The following KANK1 variants were observed in gnomAD, a reference collection of about 807,000 sequenced individuals.
The protein encoded by KANK1 is KN motif and ankyrin repeat domains 1.
Under a neutral mutation model 106.2 loss-of-function variants are expected in KANK1, and 109 were observed. The observed-to-expected ratio is 1.03, with a 90% CI of 0.88 to 1.20. The LOEUF is 1.20. KANK1 is among the 50% of genes most tolerant of loss of function. The pLI is 0.00. For synonymous variants in KANK1, 873 were observed against 652.2 expected (o/e 1.34, Z -5.16); for missense variants, 2,399 against 1,710.7 (o/e 1.40, Z -7.10).
intron 1 of KANK1, among the ~76,000 whole-genome samples, chr9:595,263 G>C (rs898774957): frequency 9.2e-5 from 14 of 151,784 alleles, no homozygotes; most frequent in Admixed American, 6.6e-5. Flanking sequence ...TTAAAATGTG[G>C]TGATTGGTAC....
At chr9:612,778 C>G (rs1461024030) in intron 1 of KANK1, among the ~76,000 whole-genome samples, 1 of 152,080 alleles carries the variant, frequency 6.6e-6, no homozygotes, top group African/African-American at 2.4e-5. Context: ...GTGAGCAATA[C>G]CTTTGACTGT....
At chr9:689,699 T>G (rs547300492) in intron 2 of KANK1, among the ~76,000 whole-genome samples, 1 of 152,200 alleles carries the variant, frequency 6.6e-6, no homozygotes, top group South Asian at 2.1e-4. Context: ...CAGCTCACAG[T>G]GTAGGTCTCA....
intron 1 of KANK1, among the ~76,000 whole-genome samples, chr9:669,253 C>T (rs1588742872): frequency 6.6e-6 from 1 of 152,084 alleles, no homozygotes; most frequent in African/African-American, 2.4e-5. Flanking sequence ...CTGCACATGA[C>T]AATTAGAGTA....
At chr9:485,839 C>G (rs1224123332) in intron 3 of KANK1, among the ~76,000 whole-genome samples, 2 of 149,740 alleles carry the variant, frequency 1.3e-5, no homozygotes, top group Admixed American at 1.3e-4. Context: ...TCACTACACT[C>G]CAGCCTGGGT....
intron 1 of KANK1, among the ~76,000 whole-genome samples, chr9:528,155 A>G (rs1183892789): frequency 6.6e-6 from 1 of 151,418 alleles, no homozygotes; most frequent in African/African-American, 2.4e-5. Flanking sequence ...AAAAAAAAAA[A>G]CTTTTTAGGA....
intron 8 of KANK1, 99 bp downstream of exon 8, chr9:738,603 T>C (rs757037738): frequency 2.2e-6 from 2 of 914,194 alleles, no homozygotes; most frequent in East Asian, 2.5e-5. Context: ...TCTCTGACCA[T>C]GCTAAAATCC....
chr9:736,350 A>C (rs978995854), intron 7 of KANK1, among the ~76,000 whole-genome samples: 1 of 152,122 alleles, frequency 6.6e-6, no homozygotes, highest in African/African-American at 2.4e-5. Flanking sequence ...TCACTCTGCC[A>C]GTGGTTGAAT....
chr9:629,108 G>A (rs1419696389), intron 1 of KANK1, among the ~76,000 whole-genome samples: 1 of 151,094 alleles, frequency 6.6e-6, no homozygotes, highest in Non-Finnish European at 1.5e-5. Context: ...CATCTTGCAT[G>A]CTTTTCCTTT....
At chr9:704,142 A>AG (rs1589047028) in intron 2 of KANK1, among the ~76,000 whole-genome samples, 2 of 152,246 alleles carry the variant, frequency 1.3e-5, no homozygotes, top group East Asian at 3.8e-4. Context: ...TGAGAGGGAA[A>AG]GGGGGAAGAA....
At chr9:558,573 G>T (rs569892289) in intron 1 of KANK1, among the ~76,000 whole-genome samples, 1 of 151,986 alleles carries the variant, frequency 6.6e-6, no homozygotes, top group Non-Finnish European at 1.5e-5. Flanking sequence ...TAGCCAATGC[G>T]TCTCTTCTTC....
intron 1 of KANK1, among the ~76,000 whole-genome samples, chr9:613,233 G>C (rs914803068): frequency 2.6e-5 from 4 of 151,398 alleles, no homozygotes; most frequent in African/African-American, 7.3e-5. Context: ...GATTCAGTAA[G>C]CTAGCAACTC....
chr9:698,029 G>A (rs1376386020), intron 2 of KANK1, among the ~76,000 whole-genome samples: 2 of 152,178 alleles, frequency 1.3e-5, no homozygotes, highest in East Asian at 3.9e-4. Context: ...GAGACCATCT[G>A]GTGGGTGGAA....
At chr9:561,426 T>A (rs2131781) in intron 1 of KANK1, among the ~76,000 whole-genome samples, 38,217 of 152,108 alleles carry the variant, frequency 0.25, 5,086 homozygotes, top group Admixed American at 0.37. Context: ...AAACCATCCC[T>A]GACAGTTACT....
intron 1 of KANK1, among the ~76,000 whole-genome samples, chr9:517,588 G>A (rs1006094001): frequency 6.6e-6 from 1 of 151,510 alleles, no homozygotes; most frequent in African/African-American, 2.4e-5. Flanking sequence ...TGCCTATAGA[G>A]CTTTTTCACA....
intron 1 of KANK1, among the ~76,000 whole-genome samples, chr9:518,784 A>G (rs563337770): frequency 6.6e-6 from 1 of 151,812 alleles, no homozygotes; most frequent in East Asian, 1.9e-4. Flanking sequence ...AGAGAGGTGG[A>G]ACTCTGGCAG....
In KANK1 at chr9:648,267, G is replaced by A. The variant is rs978468378; in HGVS notation, c.-83-28623G>A. Among the ~76,000 whole-genome samples the A allele has an allele frequency of 7.2e-5, 11 of 152,130 alleles. 1 individual carries two copies. Among genetic ancestry groups the A allele is most frequent in the African/African-American group, 2.7e-4 (11 of 41,468 alleles). ...TCCGCCTGCCCCAGCCTCCCAAAGT[G>A]CTGAGATTACAGGCGTGAGCCACCA... is the stretch of plus-strand genomic sequence containing the variant. On this transcript the variant is annotated intron_variant, in intron 1 of 11. Coordinates refer to ENST00000382297, the MANE Select transcript of KANK1 (RefSeq NM_015158.5).
chr9:495,968 A>AACACAC (rs33961058), intron 3 of KANK1, among the ~76,000 whole-genome samples: 4 of 149,642 alleles, frequency 2.7e-5, no homozygotes, highest in African/African-American at 7.4e-5. Context: ...AGCATAATTA[A>AACACAC]ACACACACAC....
chr9:640,085 T>G (rs936489040), intron 1 of KANK1, among the ~76,000 whole-genome samples: 2 of 152,160 alleles, frequency 1.3e-5, no homozygotes, highest in Non-Finnish European at 2.9e-5. Context: ...CAGCTTCATT[T>G]TAGGATAACT....
At chr9:692,318 A>G (rs989160000) in intron 2 of KANK1, among the ~76,000 whole-genome samples, 8 of 137,576 alleles carry the variant, frequency 5.8e-5, no homozygotes, top group African/African-American at 1.1e-4. Context: ...ATTAAACTCT[A>G]TAAGACCATG....
Sources: gnomAD v4.1 joint callset for allele counts (sites outside exome capture counted in the v4.1 genomes callset) on GRCh38, gnomAD v4.1.1 for gene constraint, MANE v1.5 for transcripts, NCBI Gene and HGNC (gene_info 2026-07-23, HGNC 2026-07-21) for gene names.